DLL4: variants seen among roughly 807,000 people sequenced by gnomAD.
The protein encoded by DLL4 is delta-like protein 4.
Under a neutral mutation model 73.6 loss-of-function variants are expected in DLL4, and 7 were observed. That is an observed-to-expected ratio of 0.10 (90% CI 0.05 to 0.18). The LOEUF is 0.18. DLL4 is among the 10% of genes least tolerant of loss of function. The pLI is 1.00. For synonymous variants in DLL4, 345 were observed against 374.3 expected (o/e 0.92, Z 0.90); for missense variants, 614 against 929.9 (o/e 0.66, Z 4.42).
chr15:40,931,228 C>G (rs1395512275), intron 3 of DLL4: 1 of 522,206 alleles, frequency 1.9e-6, no homozygotes, highest in Non-Finnish European at 3.4e-6. Flanking sequence ...CCCTCCCTAT[C>G]TGCCTCCAAG....
At chr15:40,936,153 T>C in intron 8 of DLL4, 75 bp from the exon 9 acceptor site, 1 of 1,358,014 alleles carries the variant, frequency 7.4e-7, no homozygotes, top group Non-Finnish European at 9.8e-7. Context: ...AACGTGTTCC[T>C]GGAATGGGGC....
intron 6 of DLL4, among the ~76,000 whole-genome samples, chr15:40,933,226 C>T (rs1343147523): frequency 6.6e-6 from 1 of 152,110 alleles, no homozygotes; most frequent in Non-Finnish European, 1.5e-5. Context: ...TGCCTAGGCC[C>T]TGACTTGCTG....
chr15:40,932,441 G>T lies in DLL4; in HGVS notation c.844G>T (p.Asp282Tyr). The change falls in exon 6 of 11, where the codon GAC becomes TAC. Residue 282 changes from aspartate (D) to tyrosine (Y), a missense_variant. Asp to Tyr is a radical substitution (Grantham distance 160). Around this residue, in one of 3 missense-constraint regions of DLL4, gnomAD observed 1 missense variants for 17.8 expected, o/e 0.06. Coordinates refer to ENST00000249749, the MANE Select transcript of DLL4 (RefSeq NM_019074.4). ...TGAGGGCTGGGGAGGCCTGTTTTGTGACCAAGGTGAGTCAGGGTGAAGAGA... is the reference window on the plus strand; with the variant it reads ...TGAGGGCTGGGGAGGCCTGTTTTGTTACCAAGGTGAGTCAGGGTGAAGAGA... ...CDEGWGGLFC[D>Y]QDLNYCTHHS... 1 of 1,613,882 alleles carries T rather than the reference G, an allele frequency of 6.2e-7. No homozygotes were observed. The highest frequency in any genetic ancestry group is 1.1e-5 in the South Asian group (1 of 91,058).
At chr15:40,935,999 C>T (rs926185033) in intron 8 of DLL4, among the ~76,000 whole-genome samples, 3 of 152,222 alleles carry the variant, frequency 2.0e-5, no homozygotes, top group East Asian at 1.9e-4. Flanking sequence ...TCTGATTCTA[C>T]GTTAAAGTTC....
rs747842030 is a variant in DLL4, at chr15:40,936,569, C to T, written c.1582C>T (p.Pro528Ser). ...EFPVGLPPSF[P>S]WVAVSLGVGL... ...CCCCGTGGGCTTGCCGCCCAGCTTCCCCTGGGTGGCCGTCTCGCTGGGTGT... is the reference window on the plus strand; with the variant it reads ...CCCCGTGGGCTTGCCGCCCAGCTTCTCCTGGGTGGCCGTCTCGCTGGGTGT... Residue 528 changes from proline to serine, a missense_variant, in exon 9 of 11, where the codon CCC (proline) becomes TCC (serine). Around this residue, in one of 3 missense-constraint regions of DLL4, gnomAD observed 386 missense variants for 541.3 expected, o/e 0.71. Transcript: ENST00000249749. The T allele has an allele frequency of 6.2e-7, 1 of 1,609,258 alleles. No individual in the cohort carries two copies. Among genetic ancestry groups the T allele is most frequent in the Non-Finnish European group, 8.5e-7 (1 of 1,178,450 alleles).
intron 8 of DLL4, among the ~76,000 whole-genome samples, chr15:40,935,917 A>T (rs1271614657): frequency 6.6e-6 from 1 of 152,210 alleles, no homozygotes; most frequent in East Asian, 1.9e-4. Context: ...AGGCTTAGAG[A>T]CACGGTTAAG....
At chr15:40,933,528 T>TA in intron 6 of DLL4, among the ~76,000 whole-genome samples, 1 of 152,270 alleles carries the variant, frequency 6.6e-6, no homozygotes, top group Non-Finnish European at 1.5e-5. Flanking sequence ...CCTCTTCCTT[T>TA]AAAAAATGCC....
intron 4 of DLL4, 82 bp downstream of exon 4, chr15:40,931,848 TC>T (rs1892775627): frequency 6.5e-7 from 1 of 1,547,084 alleles, no homozygotes; most frequent in African/African-American, 1.4e-5. Flanking sequence ...ACAGCTTGCC[TC>T]CCTTGAAGAG....
Position 40,937,425 on chromosome 15 carries a change from C to T in DLL4, c.1951C>T (p.Pro651Ser). Reference sequence around the variant, plus strand: ...TGTCTTGTGTTCCCTCAGTGAAAAGCCAGAGTGTCGGATATCAGCGATATG... The same window carrying T: ...TGTCTTGTGTTCCCTCAGTGAAAAGTCAGAGTGTCGGATATCAGCGATATG... ...KAPLRLHSEK[P>S]ECRISAICSP... The change falls in exon 10 of 11, where the codon CCA becomes TCA. Residue 651 changes from proline (P) to serine (S), a missense_variant. By Grantham distance (74) the Pro-to-Ser change is moderately conservative. Coordinates refer to ENST00000249749, the MANE Select transcript of DLL4 (RefSeq NM_019074.4). 2 of 1,612,218 alleles carry T rather than the reference C, an allele frequency of 1.2e-6. No individual in the cohort carries two copies. The highest frequency in any genetic ancestry group is 1.7e-6 in the Non-Finnish European group (2 of 1,178,262).
Position 40,930,756 on chromosome 15 carries a change from G to A in DLL4, c.394+74G>A. 6.7e-7 allele frequency: 1 copy of A among 1,486,658 alleles called. No homozygotes were observed. Among genetic ancestry groups the A allele is most frequent in the Non-Finnish European group, 9.3e-7 (1 of 1,079,078 alleles). 92.1% of individuals were successfully genotyped at this position (1,486,658 alleles called of 1,614,324 possible). On this transcript the variant is annotated intron_variant, in intron 3 of 10. Coordinates refer to ENST00000249749, the MANE Select transcript of DLL4 (RefSeq NM_019074.4). This position sits in a 1 kb window ranked among gnomAD's most constrained non-coding sequence, Gnocchi z 5.7. The stretch of plus-strand genomic sequence containing the variant: ...GAAAGAGTTAATCTGTTCTAGGCGG[G>A]GGAAGTGCGGGCTTGGGGGTGGGAG...
intron 10 of DLL4, 128 bp from the exon 11 acceptor site, chr15:40,937,901 G>A: frequency 9.0e-7 from 1 of 1,105,748 alleles, no homozygotes; most frequent in East Asian, 2.6e-5. Flanking sequence ...GAAGACTGGG[G>A]AGGACTGCCC....
Position 40,938,933 on chromosome 15 carries a change from G to GTTTTTTTTTTTTTT in DLL4, c.*903_*916dup. On this transcript the variant is annotated 3_prime_UTR_variant, in exon 11 of 11. Coordinates refer to ENST00000249749, the MANE Select transcript of DLL4 (RefSeq NM_019074.4). Reference sequence around the variant, plus strand: ...AATCAATAATATGAGTTTTTATTTTGTTTTTTTTTTTTTTTTTGTAGTTTA... The same window carrying GTTTTTTTTTTTTTT: ...AATCAATAATATGAGTTTTTATTTTGTTTTTTTTTTTTTTTTTTTTTTTTTTTTTTTGTAGTTTA... The GTTTTTTTTTTTTTT allele has an allele frequency of 7.8e-6, 1 of 127,956 alleles. No individual in the cohort carries two copies. The highest frequency in any genetic ancestry group is 1.7e-5 in the Non-Finnish European group (1 of 59,232). The allele number at this position is 127,956 out of a possible 1,614,324, so 7.9% of individuals were successfully genotyped here. A position where few individuals can be genotyped will look rare whatever the true frequency, so the allele number is the denominator to read the frequency against.
chr15:40,930,403 C>G lies in DLL4; in HGVS notation c.337-222C>G, dbSNP rs1034019526. The G allele has an allele frequency of 6.3e-6, 4 of 632,174 alleles. No individual in the cohort carries two copies. The highest frequency in any genetic ancestry group is 3.7e-5 in the African/African-American group (2 of 54,214). The allele number at this position is 632,174 out of a possible 1,614,324, so 39.2% of individuals were successfully genotyped here. A position where few individuals can be genotyped will look rare whatever the true frequency, so the allele number is the denominator to read the frequency against. On this transcript the variant is annotated intron_variant, in intron 2 of 10. Transcript: ENST00000249749. This position sits in a 1 kb window ranked among gnomAD's most constrained non-coding sequence, Gnocchi z 5.7. Reference sequence around the variant, plus strand: ...ACCCTACCACCCCCTCCTCCAGTGGCTCTCCCTTACACTCTCCCGTCTCTC... The same window carrying G: ...ACCCTACCACCCCCTCCTCCAGTGGGTCTCCCTTACACTCTCCCGTCTCTC...
In DLL4 at chr15:40,930,815, C is replaced by G. The variant is rs1430965897; in HGVS notation, c.394+133C>G. The G allele has an allele frequency of 2.3e-6, 2 of 869,940 alleles. No individual in the cohort carries two copies. Among genetic ancestry groups the G allele is most frequent in the East Asian group, 2.7e-5 (1 of 37,194 alleles). 53.9% of individuals were successfully genotyped at this position (869,940 alleles called of 1,614,324 possible). On this transcript the variant is annotated intron_variant, in intron 3 of 10. Transcript: ENST00000249749. This position sits in a 1 kb window ranked among gnomAD's most constrained non-coding sequence, Gnocchi z 5.7. Reference sequence around the variant, plus strand: ...CTTAGCTTGGCCTGGAGCTGCGCCCCGCGCTGGACGCTCGGATTCCGCTCG... The same window carrying G: ...CTTAGCTTGGCCTGGAGCTGCGCCCGGCGCTGGACGCTCGGATTCCGCTCG...
intron 6 of DLL4, among the ~76,000 whole-genome samples, chr15:40,933,685 C>T (rs893004124): frequency 1.3e-5 from 2 of 152,108 alleles, no homozygotes; most frequent in African/African-American, 4.8e-5. Flanking sequence ...GCCCTCTGCT[C>T]TTCTTCCTTA....
chr15:40,931,320 G>GCTACGTAGCTGCC, intron 3 of DLL4, 183 bp from the exon 4 acceptor site: 1 of 660,630 alleles, frequency 1.5e-6, no homozygotes, highest in Non-Finnish European at 2.6e-6. Context: ...ACGTAGGGCA[G>GCTACGTAGCTGCC]CTACGTAGCG....
At chr15:40,935,171 C>A in intron 8 of DLL4, 54 bp downstream of exon 8, 2 of 1,533,746 alleles carry the variant, frequency 1.3e-6, no homozygotes, top group Non-Finnish European at 1.8e-6. Flanking sequence ...CTGAGAGAGA[C>A]TTCTGGTGAG....
intron 6 of DLL4, among the ~76,000 whole-genome samples, chr15:40,933,486 A>G (rs1178753881): frequency 6.6e-6 from 1 of 152,196 alleles, no homozygotes; most frequent in Admixed American, 6.5e-5. Flanking sequence ...ATAAAAAAAC[A>G]AATACTTATA....
chr15:40,929,434 G>T lies in DLL4; in HGVS notation c.-235G>T. On this transcript the variant is annotated 5_prime_UTR_variant, in exon 1 of 11. Coordinates refer to ENST00000249749, the MANE Select transcript of DLL4 (RefSeq NM_019074.4). The surrounding 1 kb of genome is among the most constrained non-coding windows in gnomAD (Gnocchi z 7.1). ...GTACACCGGCACTAGCCCGCTTGCA[G>T]CCCCAGGATTAGACAGAAGACGCGT... 5.7e-6 allele frequency: 3 copies of T among 522,202 alleles called. No individual in the cohort carries two copies. The South Asian group carries it at 9.4e-5, about 16-fold the overall frequency. 32.3% of individuals were successfully genotyped at this position (522,202 alleles called of 1,614,324 possible).
Sources: gnomAD v4.1 joint callset for allele counts (sites outside exome capture counted in the v4.1 genomes callset) on GRCh38, gnomAD v4.1.1 for gene constraint, gnomAD v4.1.1 regional missense constraint, Gnocchi (gnomAD v3.1) non-coding constraint, MANE v1.5 for transcripts, NCBI Gene and HGNC (gene_info 2026-07-23, HGNC 2026-07-21) for gene names.